The following LRRC18 variants were observed in gnomAD, a reference collection of about 807,000 sequenced individuals.
The protein encoded by LRRC18 is leucine rich repeat containing 18.
In LRRC18, 12 loss-of-function variants were observed where a neutral mutation model predicts 11.2. That is an observed-to-expected ratio of 1.07 (90% CI 0.69 to 1.74). LRRC18 has a LOEUF of 1.74. LRRC18 is among the 40% of genes most tolerant of loss of function. The probability of loss-of-function intolerance (pLI) is 0.00; values close to 1 mark genes in which losing one functional copy is unlikely to be tolerated. For synonymous variants in LRRC18, 155 were observed against 130.6 expected, an observed-to-expected ratio of 1.19 and a Z score of -1.27; for missense variants, 374 against 330.5, an observed-to-expected ratio of 1.13 and a Z score of -1.02.
exon 1 of LRRC18, chr10:48,914,064 C>A (rs17772611): frequency 1.9e-6 from 3 of 1,613,954 alleles, no homozygotes; most frequent in African/African-American, 1.3e-5. Context: ...CAAGTCAAGG[C>A]GCTTTTTCCC....
chr10:48,921,272 T>G, the LRRC18 span, among the ~76,000 whole-genome samples: 1 of 152,054 alleles, frequency 6.6e-6, no homozygotes, highest in Non-Finnish European at 1.5e-5. Flanking sequence ...GGTAGATAGG[T>G]CAATGGAACA....
the LRRC18 span, among the ~76,000 whole-genome samples, chr10:48,934,447 T>C: frequency 6.6e-6 from 1 of 152,182 alleles, no homozygotes; most frequent in South Asian, 2.1e-4. Context: ...GAGAAACTTG[T>C]GTGGAGTCAC....
At chr10:48,937,669 G>A in the LRRC18 span, among the ~76,000 whole-genome samples, 732 of 152,332 alleles carry the variant, frequency 4.8e-3, 3 homozygotes, top group African/African-American at 0.017. Context: ...GTCTAGAACT[G>A]TATGCAGATT....
upstream of LRRC18, among the ~76,000 whole-genome samples, chr10:48,914,821 C>T (rs1405651292): frequency 4.6e-5 from 7 of 152,190 alleles, no homozygotes; most frequent in Non-Finnish European, 1.0e-4. Flanking sequence ...TCAGGGTGTG[C>T]CATTGCTGGG....
At chr10:48,930,077 G>C in the LRRC18 span, among the ~76,000 whole-genome samples, 110,051 of 151,950 alleles carry the variant, frequency 0.72, 43,534 homozygotes, top group East Asian at 1. Context: ...GTCCATTTCA[G>C]TTCCTAGCAC....
the LRRC18 span, among the ~76,000 whole-genome samples, chr10:48,922,038 C>T: frequency 6.6e-5 from 10 of 152,302 alleles, no homozygotes; most frequent in Non-Finnish European, 1.2e-4. Flanking sequence ...CTGCTCTATT[C>T]ATAATTGCCC....
chr10:48,913,387 G>T lies in LRRC18; in HGVS notation c.764+5C>A. The T allele has an allele frequency of 1.2e-6, 2 of 1,607,810 alleles. No individual in the cohort carries two copies. ...CTTCTGCCTCAGGGTCAGGTTCCAAGTCACCTCCAGTCTTCCCAGGAGTCC... is the reference window on the plus strand; with the variant it reads ...CTTCTGCCTCAGGGTCAGGTTCCAATTCACCTCCAGTCTTCCCAGGAGTCC... On this transcript the variant is annotated splice_donor_5th_base_variant and intron_variant, in intron 1 of 1. Transcript: ENST00000374160.
At chr10:48,927,158 G>A in the LRRC18 span, among the ~76,000 whole-genome samples, 5 of 151,840 alleles carry the variant, frequency 3.3e-5, no homozygotes, top group Non-Finnish European at 7.4e-5. Flanking sequence ...CTAACCTCTC[G>A]TTAAGTACTT....
At chr10:48,931,780 T>C in the LRRC18 span, among the ~76,000 whole-genome samples, 2 of 152,254 alleles carry the variant, frequency 1.3e-5, no homozygotes, top group African/African-American at 4.8e-5. Context: ...ATGAGGTTTA[T>C]CTGAAATCAT....
At chr10:48,922,045 GC>G in the LRRC18 span, among the ~76,000 whole-genome samples, 1 of 152,064 alleles carries the variant, frequency 6.6e-6, no homozygotes, top group Non-Finnish European at 1.5e-5. Flanking sequence ...ATTCATAATT[GC>G]CCCAAACAGA....
At chr10:48,938,651 C>A in the LRRC18 span, among the ~76,000 whole-genome samples, 2 of 152,190 alleles carry the variant, frequency 1.3e-5, no homozygotes, top group Non-Finnish European at 2.9e-5. Context: ...TGATGCTGTG[C>A]AGTGTGGGGT....
intron 1 of LRRC18, among the ~76,000 whole-genome samples, chr10:48,912,648 A>G (rs906796166): frequency 6.6e-6 from 1 of 152,224 alleles, no homozygotes; most frequent in Non-Finnish European, 1.5e-5. Flanking sequence ...GTGTTGATTT[A>G]TTGAATGCAC....
At chr10:48,919,369 A>G in the LRRC18 span, among the ~76,000 whole-genome samples, 15 of 152,246 alleles carry the variant, frequency 9.9e-5, no homozygotes, top group African/African-American at 3.1e-4. Flanking sequence ...ACCTGTATTT[A>G]TTGAAGAAAT....
At chr10:48,933,926 A>G in the LRRC18 span, among the ~76,000 whole-genome samples, 388 of 152,216 alleles carry the variant, frequency 2.5e-3, 1 homozygote, top group African/African-American at 8.8e-3. Context: ...TGGAGGCCCA[A>G]GCAGAAGCTG....
At chr10:48,934,882 C>T in the LRRC18 span, among the ~76,000 whole-genome samples, 1 of 152,178 alleles carries the variant, frequency 6.6e-6, no homozygotes, top group Non-Finnish European at 1.5e-5. Context: ...CCCAAAGCAC[C>T]AATGACTTGC....
chr10:48,912,607 G>A (rs747195484), intron 1 of LRRC18, among the ~76,000 whole-genome samples: 7 of 152,184 alleles, frequency 4.6e-5, no homozygotes, highest in Admixed American at 6.5e-5. Context: ...AAAGGGACAC[G>A]GCCCCTGCAC....
exon 1 of LRRC18, chr10:48,913,814 G>C (rs756344212): frequency 6.2e-7 from 1 of 1,614,058 alleles, no homozygotes. Flanking sequence ...TCAGCTCCAC[G>C]GGCAGCCCGT....
chr10:48,937,195 C>T, the LRRC18 span, among the ~76,000 whole-genome samples: 2 of 152,150 alleles, frequency 1.3e-5, no homozygotes, highest in Non-Finnish European at 2.9e-5. Context: ...TGCCAGCCAA[C>T]TTTCAGATTT....
chr10:48,910,988 G>A (rs1837947847), intron 1 of LRRC18: 2 of 798,662 alleles, frequency 2.5e-6, no homozygotes, highest in Non-Finnish European at 3.0e-6. Flanking sequence ...TCTGAAGGGG[G>A]AGAAATTGAA....
Sources: allele counts gnomAD v4.1 joint callset (sites outside exome capture counted in the v4.1 genomes callset), GRCh38; gene constraint gnomAD v4.1.1; transcripts MANE v1.5; gene names NCBI Gene and HGNC (gene_info 2026-07-23, HGNC 2026-07-21).